The following PTGER3 variants were observed in gnomAD, a reference collection of about 807,000 sequenced individuals.
PTGER3 encodes the protein prostaglandin E receptor 3, also known as prostaglandin E2 receptor EP3 subtype.
In PTGER3, 22 loss-of-function variants were observed where a neutral mutation model predicts 34.7. The ratio of observed to expected loss-of-function variants is 0.63; its 90% CI spans 0.45 to 0.91. The LOEUF (loss-of-function observed/expected upper bound fraction) is 0.91. Ranked by LOEUF, PTGER3 falls within the 40% of genes least tolerant of loss-of-function variation. The probability of loss-of-function intolerance (pLI) is 0.00; values close to 1 mark genes in which losing one functional copy is unlikely to be tolerated. For synonymous variants in PTGER3, 241 were observed against 230.1 expected (o/e 1.05, Z -0.43); for missense variants, 468 against 519.4 (o/e 0.90, Z 0.96).
At chr1:71,037,351 C>G (rs1236791723) in intron 1 of PTGER3, among the ~76,000 whole-genome samples, 5 of 152,228 alleles carry the variant, frequency 3.3e-5, no homozygotes, top group African/African-American at 1.2e-4. Context: ...TACTGCTCAA[C>G]TCCAAAGATT....
intron 4 of PTGER3, among the ~76,000 whole-genome samples, chr1:70,911,107 A>G (rs1312152017): frequency 6.6e-6 from 1 of 151,748 alleles, no homozygotes; most frequent in Non-Finnish European, 1.5e-5. Context: ...CTAATTAACC[A>G]TAACAAATAC....
At chr1:71,021,206 T>C (rs1658388575) in intron 1 of PTGER3, among the ~76,000 whole-genome samples, 1 of 152,172 alleles carries the variant, frequency 6.6e-6, no homozygotes, top group Non-Finnish European at 1.5e-5. Context: ...AGAATCATTA[T>C]TCAGTTACTG....
rs566136032 is a variant in PTGER3 at position 70,878,746 on chromosome 1, C to G, written c.*24-25887G>C. 2.0e-5 allele frequency among the ~76,000 whole-genome samples: 3 copies of G among 152,258 alleles called. No individual in the cohort carries two copies. In the East Asian group the frequency reaches 5.8e-4, roughly 29 times the overall value. ...TATTTACACAAAAGTCATTCAGAAG[C>G]AGGTTGTTTAATTTCCATACAATTG... On this transcript the variant is annotated intron_variant, in intron 4 of 4. Coordinates refer to the PTGER3 transcript ENST00000370931.
At chr1:70,963,572 C>T (rs773367270) in intron 2 of PTGER3, among the ~76,000 whole-genome samples, 3 of 152,168 alleles carry the variant, frequency 2.0e-5, no homozygotes, top group East Asian at 1.9e-4. Context: ...CCAGGGCCTG[C>T]GCCCTCCGAA....
At chr1:70,884,168 CACTT>C (rs778384345) in intron 4 of PTGER3, 3 of 312,168 alleles carry the variant, frequency 9.6e-6, no homozygotes, top group Non-Finnish European at 1.9e-5. Context: ...AATTCTGAGA[CACTT>C]ATGTGTAATG....
At chr1:70,966,812 G>T (rs560693650), downstream of PTGER3, among the ~76,000 whole-genome samples, 134 of 152,012 alleles carry the variant, frequency 8.8e-4, no homozygotes, top group Admixed American at 4.1e-3. Context: ...GTATTCCATG[G>T]TGTATATGAA....
intron 4 of PTGER3, among the ~76,000 whole-genome samples, chr1:70,917,882 T>A (rs75672549): frequency 6.6e-6 from 1 of 152,090 alleles, no homozygotes; most frequent in African/African-American, 2.4e-5. Flanking sequence ...TTGCCAATTT[T>A]AAAAATGGAA....
chr1:71,004,280 T>C (rs1656743813), intron 2 of PTGER3, among the ~76,000 whole-genome samples: 1 of 152,186 alleles, frequency 6.6e-6, no homozygotes, highest in Admixed American at 6.6e-5. Flanking sequence ...ATTTTCAGTG[T>C]GGTAGGTAAA....
At chr1:71,020,810 A>G (rs896317511) in intron 1 of PTGER3, among the ~76,000 whole-genome samples, 3 of 151,950 alleles carry the variant, frequency 2.0e-5, no homozygotes, top group African/African-American at 7.3e-5. Context: ...AAGAACTTCC[A>G]TAAGTCTGAC....
chr1:70,881,631 G>C (rs1156858694), intron 4 of PTGER3, among the ~76,000 whole-genome samples: 2 of 152,084 alleles, frequency 1.3e-5, no homozygotes, highest in African/African-American at 4.8e-5. Context: ...TTGAGGGTTT[G>C]ATTGTGATTC....
At chr1:70,934,453 G>A (rs1649016843) in intron 4 of PTGER3, among the ~76,000 whole-genome samples, 1 of 152,122 alleles carries the variant, frequency 6.6e-6, no homozygotes, top group Non-Finnish European at 1.5e-5. Flanking sequence ...AATTTAGTTT[G>A]GCAACACTAG....
At chr1:70,864,833 T>G (rs1326010860) in intron 4 of PTGER3, among the ~76,000 whole-genome samples, 4 of 152,234 alleles carry the variant, frequency 2.6e-5, no homozygotes, top group Non-Finnish European at 5.9e-5. Context: ...ATTAAATAAC[T>G]TGCCTAAGTT....
At chr1:70,906,449 G>A (rs1438228962) in intron 4 of PTGER3, among the ~76,000 whole-genome samples, 1 of 152,092 alleles carries the variant, frequency 6.6e-6, no homozygotes, top group Non-Finnish European at 1.5e-5. Context: ...TAGGCCTCAA[G>A]CATCATTATT....
At chr1:70,877,585 T>A (rs1412180109) in intron 4 of PTGER3, among the ~76,000 whole-genome samples, 3 of 152,188 alleles carry the variant, frequency 2.0e-5, no homozygotes, top group African/African-American at 7.2e-5. Context: ...GTGTTGGCTA[T>A]GCGTTTGTCA....
intron 2 of PTGER3, chr1:71,006,625 A>G: frequency 4.1e-6 from 4 of 979,272 alleles, no homozygotes; most frequent in Non-Finnish European, 3.6e-6. Context: ...CATGTTGAAA[A>G]TCGGAAAAGA....
chr1:70,998,312 T>G (rs922686648), intron 2 of PTGER3: 2 of 152,228 alleles, frequency 1.3e-5, no homozygotes, highest in Non-Finnish European at 2.9e-5. Flanking sequence ...TATACATGAA[T>G]ATATATTCTA....
At position 71,047,347 on chromosome 1, in the gene PTGER3, G is replaced by A; in HGVS notation, c.231C>T (p.Tyr77=). ...TCTTGCGCTTGCTCTCCCGGCGCCG[G>A]TAGCTGCGCGACACGAGCAGCATGG... ...ALAMLLVSRS[Y]RRRESKRKKS... Residue 77 remains tyrosine (Y), a synonymous_variant, in exon 1 of 4, where the codon TAC becomes TAT. Coordinates refer to ENST00000306666, the MANE Select transcript of PTGER3 (RefSeq NM_198719.2). 3 of 1,608,724 alleles carry A rather than the reference G, an allele frequency of 1.9e-6. No homozygotes were observed. Among genetic ancestry groups the A allele is most frequent in the Non-Finnish European group, 2.5e-6 (3 of 1,178,314 alleles).
chr1:70,967,188 G>A (rs949116991), downstream of PTGER3, among the ~76,000 whole-genome samples: 1 of 152,038 alleles, frequency 6.6e-6, no homozygotes, highest in African/African-American at 2.4e-5. Flanking sequence ...AAAAAGAAAT[G>A]TAAATAGAGA....
chr1:70,974,268 T>C, intron 3 of PTGER3, 29 bp downstream of exon 3: 1 of 1,611,908 alleles, frequency 6.2e-7, no homozygotes, highest in Non-Finnish European at 8.5e-7. Context: ...AAGGCTATGC[T>C]ATAAATCCCG....
Sources: allele counts gnomAD v4.1 joint callset (sites outside exome capture counted in the v4.1 genomes callset), GRCh38; gene constraint gnomAD v4.1.1; transcripts MANE v1.5; gene names NCBI Gene and HGNC (gene_info 2026-07-23, HGNC 2026-07-21).